Variants in MYO5B observed in about 807,000 individuals in gnomAD.
MYO5B encodes myosin VB.
MYO5B carries 143 observed loss-of-function variants against 229.3 expected under a neutral mutation model. The ratio of observed to expected loss-of-function variants is 0.62; its 90% CI spans 0.54 to 0.72. The LOEUF (loss-of-function observed/expected upper bound fraction) is 0.72, where lower values mean the gene tolerates loss of function less well. Ranked by LOEUF, MYO5B falls within the 30% of genes least tolerant of loss-of-function variation. The probability of loss-of-function intolerance (pLI) is 0.00; values close to 1 mark genes in which losing one functional copy is unlikely to be tolerated. For missense variants in MYO5B, 2,321 were observed against 2,331.0 expected, an observed-to-expected ratio of 1.00 and a Z score of 0.09; for synonymous variants, 918 against 885.2, an observed-to-expected ratio of 1.04 and a Z score of -0.66.
At chr18:49,974,654 G>T in intron 9 of MYO5B, 39 bp from the exon 10 acceptor site, 1 of 1,600,308 alleles carries the variant, frequency 6.2e-7, no homozygotes, top group Non-Finnish European at 8.5e-7. Context: ...GAGGAGTGTG[G>T]GAGACAAGCC....
chr18:50,182,224 G>A (rs1035761414), intron 1 of MYO5B, among the ~76,000 whole-genome samples: 5 of 152,186 alleles, frequency 3.3e-5, no homozygotes, highest in South Asian at 4.1e-4. Context: ...AAAACAACTC[G>A]ATCTAGTTTT....
intron 2 of MYO5B, among the ~76,000 whole-genome samples, chr18:50,051,458 T>A (rs903800614): frequency 6.6e-6 from 1 of 151,892 alleles, no homozygotes; most frequent in South Asian, 2.1e-4. Context: ...ACAAGGAGAG[T>A]TTTCCCTGAC....
intron 1 of MYO5B, among the ~76,000 whole-genome samples, chr18:50,174,760 G>C (rs1016934972): frequency 6.6e-6 from 1 of 152,208 alleles, no homozygotes; most frequent in Non-Finnish European, 1.5e-5. Flanking sequence ...ATGCACATGT[G>C]TGAAGTGGAA....
intron 4 of MYO5B, among the ~76,000 whole-genome samples, chr18:50,023,447 T>C (rs1318390033): frequency 6.6e-6 from 1 of 152,200 alleles, no homozygotes; most frequent in African/African-American, 2.4e-5. Context: ...ATGAAGCTAT[T>C]AGTAAGCTTC....
chr18:49,883,239 T>A (rs1344123583), intron 22 of MYO5B, among the ~76,000 whole-genome samples: 1 of 152,172 alleles, frequency 6.6e-6, no homozygotes, highest in Non-Finnish European at 1.5e-5. Context: ...GATGACACAA[T>A]CTTGTATACA....
intron 12 of MYO5B, among the ~76,000 whole-genome samples, chr18:49,956,463 C>T (rs1201187607): frequency 6.6e-6 from 1 of 152,194 alleles, no homozygotes; most frequent in Non-Finnish European, 1.5e-5. Context: ...CAAGTTAATT[C>T]TTCCTGCCTG....
At chr18:49,930,418 TG>T (rs2025176608) in intron 16 of MYO5B, among the ~76,000 whole-genome samples, 1 of 152,240 alleles carries the variant, frequency 6.6e-6, no homozygotes, top group South Asian at 2.1e-4. Flanking sequence ...AAACCCAGTA[TG>T]TTTTTAAACA....
At chr18:49,945,073 A>C (rs1463612879) in intron 14 of MYO5B, among the ~76,000 whole-genome samples, 2 of 151,858 alleles carry the variant, frequency 1.3e-5, no homozygotes, top group African/African-American at 4.8e-5. Flanking sequence ...TGCTTCCTCT[A>C]ATCTTCTCCC....
chr18:50,113,850 G>A (rs898457911), intron 1 of MYO5B, among the ~76,000 whole-genome samples: 3 of 152,128 alleles, frequency 2.0e-5, no homozygotes, highest in Non-Finnish European at 4.4e-5. Context: ...TAAAGTACAT[G>A]GAAGTTTAGC....
chr18:50,136,364 CTTT>C (rs11426659), intron 1 of MYO5B, among the ~76,000 whole-genome samples: 30 of 131,756 alleles, frequency 2.3e-4, no homozygotes, highest in African/African-American at 4.9e-4. Flanking sequence ...TTTTTTTTTA[CTTT>C]TTTTTTTTTT....
intron 22 of MYO5B, among the ~76,000 whole-genome samples, chr18:49,883,568 G>C (rs1366041101): frequency 6.6e-6 from 1 of 152,178 alleles, no homozygotes; most frequent in African/African-American, 2.4e-5. Context: ...TTCATCTACA[G>C]ATTCAATGTA....
chr18:50,053,885 C>T (rs924806376), intron 2 of MYO5B, among the ~76,000 whole-genome samples: 9 of 152,184 alleles, frequency 5.9e-5, no homozygotes, highest in Non-Finnish European at 1.3e-4. Context: ...AACAGTATCT[C>T]CAACCCAAAC....
chr18:49,980,040 TC>T (rs1568057144), intron 9 of MYO5B, among the ~76,000 whole-genome samples: 1 of 152,212 alleles, frequency 6.6e-6, no homozygotes, highest in Non-Finnish European at 1.5e-5. Context: ...ACCTGTCTTG[TC>T]CACCCAATTA....
intron 1 of MYO5B, among the ~76,000 whole-genome samples, chr18:50,161,722 G>A (rs914228257): frequency 6.6e-5 from 10 of 152,176 alleles, no homozygotes; most frequent in African/African-American, 2.4e-4. Flanking sequence ...TCCCCACTAT[G>A]GGGCAACCAG....
intron 1 of MYO5B, among the ~76,000 whole-genome samples, chr18:50,129,006 C>G (rs2144543930): frequency 6.6e-6 from 1 of 152,292 alleles, no homozygotes; most frequent in South Asian, 2.1e-4. Context: ...ACAGAAGAAC[C>G]ACCTGCCAAA....
chr18:50,023,866 T>C (rs1345035603), intron 4 of MYO5B, among the ~76,000 whole-genome samples: 3 of 152,126 alleles, frequency 2.0e-5, no homozygotes, highest in African/African-American at 7.2e-5. Flanking sequence ...GCGTTGAAGA[T>C]GCTGAAAGAT....
chr18:50,018,304 TTGA>T (rs2026238233), intron 4 of MYO5B, among the ~76,000 whole-genome samples: 1 of 151,850 alleles, frequency 6.6e-6, no homozygotes, highest in African/African-American at 2.4e-5. Flanking sequence ...TTTTTTTTGC[TTGA>T]TGATACAGTC....
intron 2 of MYO5B, among the ~76,000 whole-genome samples, chr18:50,052,629 A>G (rs1353438235): frequency 2.0e-5 from 3 of 151,086 alleles, no homozygotes; most frequent in African/African-American, 7.3e-5. Context: ...TGGGTACAGC[A>G]CACCAGCATG....
intron 4 of MYO5B, among the ~76,000 whole-genome samples, chr18:50,004,979 T>C (rs903499925): frequency 2.0e-5 from 3 of 152,218 alleles, no homozygotes; most frequent in Non-Finnish European, 4.4e-5. Flanking sequence ...AGTTAACTTA[T>C]TTGACCTTCA....
Sources: allele counts gnomAD v4.1 joint callset (sites outside exome capture counted in the v4.1 genomes callset), GRCh38; gene constraint gnomAD v4.1.1; transcripts MANE v1.5; gene names NCBI Gene and HGNC (gene_info 2026-07-23, HGNC 2026-07-21).